Variants in ERICH6 observed in about 807,000 individuals in gnomAD.
ERICH6 encodes glutamate rich 6, also known as glutamate-rich protein 6.
ERICH6 carries 71 observed loss-of-function variants against 71.0 expected under a neutral mutation model. The observed-to-expected ratio is 1.00, with a 90% CI of 0.83 to 1.22. The LOEUF is 1.22. ERICH6 is among the 50% of genes most tolerant of loss of function. The probability of loss-of-function intolerance (pLI) is 0.00; values close to 1 mark genes in which losing one functional copy is unlikely to be tolerated. For synonymous variants in ERICH6, 262 were observed against 278.4 expected (o/e 0.94, Z 0.59); for missense variants, 808 against 797.2 (o/e 1.01, Z -0.16).
intron 13 of ERICH6, among the ~76,000 whole-genome samples, chr3:150,665,154 G>C (rs1216282785): frequency 6.6e-6 from 1 of 152,106 alleles, no homozygotes; most frequent in Non-Finnish European, 1.5e-5. Context: ...CTAAAAATTT[G>C]ACTGCAGTTT....
chr3:150,671,602 C>T (rs1711501867), intron 11 of ERICH6, among the ~76,000 whole-genome samples: 1 of 151,994 alleles, frequency 6.6e-6, no homozygotes, highest in African/African-American at 2.4e-5. Flanking sequence ...AATTTCTAGC[C>T]CTATATGTTT....
chr3:150,696,104 T>C (rs1348367688), intron 3 of ERICH6, among the ~76,000 whole-genome samples: 2 of 151,932 alleles, frequency 1.3e-5, no homozygotes, highest in Non-Finnish European at 1.5e-5. Context: ...AATAGTTCAG[T>C]GGAACAGAAT....
rs1713044201 is a variant in ERICH6 at position 150,703,740 on chromosome 3, C to CTCCTCCACCTCT, written c.158_159insAGAGGTGGAGGA (p.Glu52_Val55dup). 6 of 1,390,642 alleles carry CTCCTCCACCTCT rather than the reference C, an allele frequency of 4.3e-6. No homozygotes were observed. In the African/African-American group the frequency reaches 8.1e-5, roughly 19 times the overall value. 86.1% of individuals were successfully genotyped at this position (1,390,642 alleles called of 1,614,324 possible). ...CCACCAACTCCTCCTCCACCACCTC[C>CTCCTCCACCTCT]TCCTCCTCCTCCTCCACCTCTTCCT... is the stretch of plus-strand genomic sequence containing the variant. On this transcript the variant is annotated inframe_insertion, in exon 1 of 14. Transcript: ENST00000295910.
chr3:150,691,601 T>A (rs1039515444), intron 3 of ERICH6, among the ~76,000 whole-genome samples: 20 of 152,150 alleles, frequency 1.3e-4, no homozygotes, highest in African/African-American at 4.8e-4. Context: ...GAAAGTCCAA[T>A]CATGTCATGA....
chr3:150,696,795 G>A (rs1712671860), intron 3 of ERICH6, among the ~76,000 whole-genome samples: 1 of 152,110 alleles, frequency 6.6e-6, no homozygotes, highest in South Asian at 2.1e-4. Flanking sequence ...ATATAGGAAA[G>A]AGTAGGAAAA....
At chr3:150,690,887 T>A (rs1289376784) in intron 3 of ERICH6, among the ~76,000 whole-genome samples, 2 of 152,230 alleles carry the variant, frequency 1.3e-5, no homozygotes, top group Non-Finnish European at 2.9e-5. Context: ...AATAGCTACA[T>A]CTTAAATTTA....
intron 3 of ERICH6, among the ~76,000 whole-genome samples, chr3:150,696,902 A>C (rs1712675158): frequency 6.6e-6 from 1 of 152,068 alleles, no homozygotes; most frequent in South Asian, 2.1e-4. Flanking sequence ...CAACAATACC[A>C]CTTTCTTGGC....
At chr3:150,688,930 C>G (rs1712306242) in intron 3 of ERICH6, among the ~76,000 whole-genome samples, 1 of 152,244 alleles carries the variant, frequency 6.6e-6, no homozygotes, top group African/African-American at 2.4e-5. Context: ...TGCGCATCCT[C>G]AACCTTGGTA....
chr3:150,680,599 AC>A (rs1385865163), intron 8 of ERICH6, 61 bp from the exon 9 acceptor site: 50 of 1,597,092 alleles, frequency 3.1e-5, no homozygotes, highest in Middle Eastern at 3.3e-4. Context: ...AAAACAGTCT[AC>A]TACAAAATTC....
At position 150,702,130 on chromosome 3, in the gene ERICH6, C is replaced by G; in HGVS notation, c.452G>C (p.Ser151Thr). 1 of 1,572,080 alleles carries G rather than the reference C, an allele frequency of 6.4e-7. No homozygotes were observed. The highest frequency in any genetic ancestry group is 8.7e-7 in the Non-Finnish European group (1 of 1,151,810). Residue 151 changes from serine to threonine, a missense_variant, in exon 2 of 14, where the codon AGT becomes ACT. By Grantham distance (58) the Ser-to-Thr change is moderately conservative. This residue lies in a region of ERICH6 where 736 missense variants were observed against 712.2 expected (regional missense o/e 1.03). Transcript: ENST00000295910. ...GAAAACATTTTCTTACCTATCTATACTCATTTCAGACATGTCTTTCCTAAA... is the reference window on the plus strand; with the variant it reads ...GAAAACATTTTCTTACCTATCTATAGTCATTTCAGACATGTCTTTCCTAAA... ...QTFRKDMSEM[S>T]IDRNIHRNLS...
intron 1 of ERICH6, 87 bp downstream of exon 1, chr3:150,703,409 C>G (rs551326635): frequency 1.4e-6 from 2 of 1,453,028 alleles, no homozygotes; most frequent in African/African-American, 2.8e-5. Context: ...ACGCGCAGGT[C>G]GACGAAGGCA....
In ERICH6 at chr3:150,677,740, G is replaced by A. The variant is rs553877760; in HGVS notation, c.1257+669C>T. Among the ~76,000 whole-genome samples, 22 of 152,156 alleles carry A rather than the reference G, an allele frequency of 1.4e-4. No individual in the cohort carries two copies. The South Asian group carries it at 1.5e-3, about 10-fold the overall frequency. ...TTGAATTCCTGGATTCCAGCAATCC[G>A]CCTGCTTTGGCTTCCCAAAGTGCTG... On this transcript the variant is annotated intron_variant, in intron 10 of 13. Transcript: ENST00000295910.
At chr3:150,691,344 G>T (rs1229236619) in intron 3 of ERICH6, among the ~76,000 whole-genome samples, 1 of 151,972 alleles carries the variant, frequency 6.6e-6, no homozygotes, top group Non-Finnish European at 1.5e-5. Context: ...AAAAGAAAAG[G>T]GTGTCCTTTT....
At chr3:150,663,130 TA>T (rs1727283888) in intron 13 of ERICH6, among the ~76,000 whole-genome samples, 2 of 152,186 alleles carry the variant, frequency 1.3e-5, no homozygotes. Flanking sequence ...AGTATCATTC[TA>T]AGTATTGTGT....
At chr3:150,663,717 A>G (rs1727304363) in intron 13 of ERICH6, among the ~76,000 whole-genome samples, 1 of 152,106 alleles carries the variant, frequency 6.6e-6, no homozygotes, top group African/African-American at 2.4e-5. Flanking sequence ...GGCTCAAGTA[A>G]TGCTCCCGTC....
At chr3:150,663,652 G>A (rs1727301902) in intron 13 of ERICH6, among the ~76,000 whole-genome samples, 1 of 152,000 alleles carries the variant, frequency 6.6e-6, no homozygotes, top group South Asian at 2.1e-4. Context: ...TTTAAAAAAC[G>A]ACTTTCATAG....
chr3:150,676,800 C>A (rs1039426853), intron 10 of ERICH6, among the ~76,000 whole-genome samples: 1 of 150,454 alleles, frequency 6.6e-6, no homozygotes, highest in Admixed American at 6.6e-5. Flanking sequence ...CCATGCCCAG[C>A]TAATTAATTA....
rs762349191 is a variant in ERICH6, at chr3:150,686,067, G to T, written c.611-46C>A. ...CATAAGAAATGTTTAAAGCCTTTGT[G>T]CAGTGCATTCCACTTCTGTAATTTG... On this transcript the variant is annotated intron_variant, in intron 4 of 13. Coordinates refer to ENST00000295910, the MANE Select transcript of ERICH6 (RefSeq NM_152394.5). 18 of 1,459,354 alleles carry T rather than the reference G, an allele frequency of 1.2e-5. No homozygotes were observed. In the African/African-American group the frequency reaches 2.2e-4, roughly 18 times the overall value. The allele number at this position is 1,459,354 out of a possible 1,614,324, so 90.4% of individuals were successfully genotyped here.
At chr3:150,675,077 G>A (rs112506198) in intron 10 of ERICH6, among the ~76,000 whole-genome samples, 5,572 of 152,224 alleles carry the variant, frequency 0.037, 326 homozygotes, top group African/African-American at 0.13. Flanking sequence ...AGGTTGCAGT[G>A]AGCCGAGATC....
Sources: gnomAD v4.1 joint callset for allele counts (sites outside exome capture counted in the v4.1 genomes callset) on GRCh38, gnomAD v4.1.1 for gene constraint, gnomAD v4.1.1 regional missense constraint, MANE v1.5 for transcripts, NCBI Gene and HGNC (gene_info 2026-07-23, HGNC 2026-07-21) for gene names.